Variants in DPP6 observed in about 807,000 individuals in gnomAD.
DPP6 encodes the protein A-type potassium channel modulatory protein DPP6.
A neutral mutation model predicts 122.6 loss-of-function variants in DPP6; 69 were observed. That is an observed-to-expected ratio of 0.56 (90% CI 0.46 to 0.69). The LOEUF is 0.69. Ranked by LOEUF, DPP6 falls within the 30% of genes least tolerant of loss-of-function variation. DPP6 has a pLI of 0.00. For synonymous variants in DPP6, 418 were observed against 433.1 expected (o/e 0.97, Z 0.43); for missense variants, 928 against 1,116.9 (o/e 0.83, Z 2.41).
the DPP6 span, among the ~76,000 whole-genome samples, chr7:153,813,282 T>A: frequency 2.0e-5 from 3 of 151,190 alleles, no homozygotes; most frequent in Non-Finnish European, 4.4e-5. Flanking sequence ...CAGTGTTTGG[T>A]TTTCTGTTCT....
At chr7:154,139,495 A>C in intron 1 of DPP6, among the ~76,000 whole-genome samples, 1 of 150,800 alleles carries the variant, frequency 6.6e-6, no homozygotes. Flanking sequence ...TCTCTTCTGG[A>C]AACATCCTCA....
Position 153,949,740 on chromosome 7 carries a change from A to G in DPP6, c.51+62006A>G, listed in dbSNP as rs911438839. Among the ~76,000 whole-genome samples the G allele has an allele frequency of 3.3e-5, 5 of 152,366 alleles. No homozygotes were observed. The South Asian group carries it at 8.3e-4, about 25-fold the overall frequency. ...TGGAAGAACCGAGTTTACTGTGTGT[A>G]ACTGCAAGGGGCAAAGAGACATTGG... is the stretch of plus-strand genomic sequence containing the variant. On this transcript the variant is annotated intron_variant, in intron 1 of 25. Coordinates refer to the DPP6 transcript ENST00000404039.
intron 1 of DPP6, among the ~76,000 whole-genome samples, chr7:154,001,986 T>C (rs1302267484): frequency 6.6e-6 from 1 of 151,832 alleles, no homozygotes; most frequent in Non-Finnish European, 1.5e-5. Context: ...TCTGTGCCAC[T>C]TTTTGGTACT....
At chr7:154,780,496 C>T (rs1796952185) in intron 10 of DPP6, among the ~76,000 whole-genome samples, 1 of 152,184 alleles carries the variant, frequency 6.6e-6, no homozygotes, top group Non-Finnish European at 1.5e-5. Flanking sequence ...TTCTGCGTCG[C>T]CATCCTCATC....
intron 3 of DPP6, among the ~76,000 whole-genome samples, chr7:154,501,395 A>C (rs1442982209): frequency 6.6e-6 from 1 of 152,188 alleles, no homozygotes; most frequent in African/African-American, 2.4e-5. Context: ...AGCCCCTCTC[A>C]TCACAGACCT....
chr7:154,342,258 C>T (rs765272651), intron 1 of DPP6, among the ~76,000 whole-genome samples: 6 of 152,028 alleles, frequency 3.9e-5, no homozygotes, highest in Non-Finnish European at 7.4e-5. Flanking sequence ...CGTGTGGGCA[C>T]AGCATGGAAA....
intron 1 of DPP6, among the ~76,000 whole-genome samples, chr7:154,063,229 C>T (rs1477486690): frequency 7.7e-6 from 1 of 130,126 alleles, no homozygotes; most frequent in Non-Finnish European, 1.6e-5. Context: ...GAGGCAGGGA[C>T]TGAGAGCCAG....
Position 154,600,750 on chromosome 7 carries a change from A to C in DPP6, c.627+33834A>C, listed in dbSNP as rs1833376169. 1.6e-5 allele frequency among the ~76,000 whole-genome samples: 2 copies of C among 121,760 alleles called. 1 individual carries two copies. The highest frequency in any genetic ancestry group is 1.8e-4 in the Admixed American group (2 of 10,910). The allele number at this position is 121,760 out of a possible 152,430, so 79.9% of individuals were successfully genotyped here. A position where few individuals can be genotyped will look rare whatever the true frequency, so the allele number is the denominator to read the frequency against. On this transcript the variant is annotated intron_variant, in intron 5 of 25. Transcript: ENST00000377770. ...CATATTTGGTTTGTTGTCATAGTTT[A>C]ATCATGAACTGTTTCAAGTGTACAG...
At chr7:154,340,067 C>T (rs1282137146) in intron 1 of DPP6, among the ~76,000 whole-genome samples, 2 of 151,694 alleles carry the variant, frequency 1.3e-5, no homozygotes, top group East Asian at 1.9e-4. Flanking sequence ...AGCAAGACTC[C>T]ACCTCGCAAA....
chr7:154,609,846 A>G (rs1833797299), intron 5 of DPP6, among the ~76,000 whole-genome samples: 1 of 152,114 alleles, frequency 6.6e-6, no homozygotes, highest in African/African-American at 2.4e-5. Context: ...AAGTTATAAT[A>G]TGCCTTTTCT....
chr7:154,782,982 C>T (rs1367593988), intron 10 of DPP6, among the ~76,000 whole-genome samples: 2 of 152,014 alleles, frequency 1.3e-5, no homozygotes, highest in Admixed American at 6.5e-5. Flanking sequence ...CGGGGTTCCA[C>T]CATGCTGGCC....
chr7:154,058,324 G>T (rs1801084340), intron 1 of DPP6: 1 of 148,994 alleles, frequency 6.7e-6, no homozygotes, highest in Non-Finnish European at 1.5e-5. Context: ...GCTGGGGGCG[G>T]AGGCACCCCC....
At chr7:154,625,350 C>T (rs1834999757) in intron 5 of DPP6, among the ~76,000 whole-genome samples, 1 of 151,492 alleles carries the variant, frequency 6.6e-6, no homozygotes, top group Non-Finnish European at 1.5e-5. Context: ...GGAGAAACAG[C>T]AGGAGAGGGA....
chr7:154,795,646 G>C (rs554443059), intron 11 of DPP6, among the ~76,000 whole-genome samples, 199 bp from the exon 12 acceptor site: 7 of 152,214 alleles, frequency 4.6e-5, no homozygotes, highest in African/African-American at 1.7e-4. Context: ...TTGGCTCCGA[G>C]CCACGCACGA....
At chr7:154,038,245 T>C (rs1390267930) in intron 1 of DPP6, among the ~76,000 whole-genome samples, 1 of 139,510 alleles carries the variant, frequency 7.2e-6, no homozygotes, top group African/African-American at 2.9e-5. Context: ...GCAAAGGAGA[T>C]GGAAGTAGTC....
intron 10 of DPP6, among the ~76,000 whole-genome samples, chr7:154,778,447 C>T (rs1218700182): frequency 6.6e-6 from 1 of 151,976 alleles, no homozygotes; most frequent in Non-Finnish European, 1.5e-5. Context: ...TCTCTCTTTC[C>T]AATTTATACA....
At chr7:154,844,218 A>G (rs920073613) in intron 16 of DPP6, among the ~76,000 whole-genome samples, 1 of 152,240 alleles carries the variant, frequency 6.6e-6, no homozygotes, top group African/African-American at 2.4e-5. Flanking sequence ...CCAGACTTGC[A>G]TAAGATCATT....
chr7:154,240,914 A>G (rs1801551163), intron 1 of DPP6, among the ~76,000 whole-genome samples: 1 of 152,166 alleles, frequency 6.6e-6, no homozygotes, highest in Non-Finnish European at 1.5e-5. Flanking sequence ...CCACCTTGAC[A>G]TGATATCATA....
chr7:154,324,863 T>G (rs868506283), intron 1 of DPP6, among the ~76,000 whole-genome samples: 21 of 90,056 alleles, frequency 2.3e-4, no homozygotes, highest in Non-Finnish European at 4.5e-4. Flanking sequence ...TCTTTCCTTT[T>G]GTTATTTTTT....
Sources: allele counts gnomAD v4.1 joint callset (sites outside exome capture counted in the v4.1 genomes callset), GRCh38; gene constraint gnomAD v4.1.1; transcripts MANE v1.5; gene names NCBI Gene and HGNC (gene_info 2026-07-23, HGNC 2026-07-21).